Variants in ARF3 observed in about 807,000 individuals in gnomAD.
ARF3 encodes the protein ARF GTPase 3, also known as ADP-ribosylation factor 3.
Under a neutral mutation model 19.3 loss-of-function variants are expected in ARF3, and 5 were observed. That is an observed-to-expected ratio of 0.26 (90% confidence interval 0.14 to 0.54). The LOEUF (loss-of-function observed/expected upper bound fraction) is 0.54. Among genes scored for constraint, ARF3 ranks in the 20% least tolerant of loss-of-function variants. The pLI is 0.95. For synonymous variants in ARF3, 71 were observed against 89.2 expected (o/e 0.80, Z 1.15); for missense variants, 77 against 234.2 (o/e 0.33, Z 4.38).
intron 1 of ARF3, among the ~76,000 whole-genome samples, chr12:48,952,441 T>A (rs1402871385): frequency 6.6e-6 from 1 of 152,234 alleles, no homozygotes; most frequent in African/African-American, 2.4e-5. Flanking sequence ...AATTACAGCT[T>A]GCCTTGTTCT....
In ARF3 at chr12:48,948,590, ATCACAAGG is replaced by A. The variant is rs1940403130; in HGVS notation, c.-93-7410_-93-7403del. 2.0e-5 allele frequency among the ~76,000 whole-genome samples: 3 copies of A among 152,070 alleles called. No homozygotes were observed. The South Asian group carries it at 6.2e-4, about 31-fold the overall frequency. On this transcript the variant is annotated intron_variant, in intron 1 of 4. Coordinates refer to ENST00000256682, the MANE Select transcript of ARF3 (RefSeq NM_001659.3). ...CACTTTGGGAGGCCGAGGTGGGCGG[ATCACAAGG>A]TCAGAAGATCAAGATCAGCCTGGCC...
Position 48,939,948 on chromosome 12 carries a change from CCA to C in ARF3, c.259+47_259+48del. 2 of 1,593,830 alleles carry C rather than the reference CCA, an allele frequency of 1.3e-6. No individual in the cohort carries two copies. The highest frequency in any genetic ancestry group is 1.7e-6 in the Non-Finnish European group (2 of 1,161,802). On this transcript the variant is annotated intron_variant, in intron 3 of 4. Transcript: ENST00000256682. The surrounding 1 kb of genome is among the most constrained non-coding windows in gnomAD (Gnocchi z 4.8). Reference sequence around the variant, plus strand: ...GTTGGCCACCCATTAACAAAGACAGCCACACTCTCTGCTCATACCCAACCAAC... The same window carrying C: ...GTTGGCCACCCATTAACAAAGACAGCCACTCTCTGCTCATACCCAACCAAC...
At chr12:48,942,794 A>G (rs770977316) in intron 1 of ARF3, among the ~76,000 whole-genome samples, 6 of 152,230 alleles carry the variant, frequency 3.9e-5, no homozygotes, top group African/African-American at 4.8e-5. Flanking sequence ...TATGCCTGGC[A>G]TATGGTAGGC....
At chr12:48,945,059 G>A (rs555413824) in intron 1 of ARF3, among the ~76,000 whole-genome samples, 2 of 149,874 alleles carry the variant, frequency 1.3e-5, no homozygotes, top group East Asian at 2.0e-4. Flanking sequence ...AGAACCGCTG[G>A]AATCCAGGAG....
At chr12:48,940,881 C>G in intron 2 of ARF3, 67 bp downstream of exon 2, 1 of 1,475,674 alleles carries the variant, frequency 6.8e-7, no homozygotes, top group Non-Finnish European at 9.0e-7. Context: ...GGTTGGGGAA[C>G]CAGGAATAGG....
intron 1 of ARF3, among the ~76,000 whole-genome samples, chr12:48,950,945 G>A (rs143737276): frequency 1.8e-3 from 266 of 151,994 alleles, no homozygotes; most frequent in African/African-American, 6.3e-3. Context: ...CTGCCACCAC[G>A]CCCGGCTAAT....
At chr12:48,953,398 A>AT in intron 1 of ARF3, 1 of 152,206 alleles carries the variant, frequency 6.6e-6, no homozygotes, top group African/African-American at 2.4e-5. Context: ...ATAAAATTTT[A>AT]TTTAAGGTTT....
At chr12:48,952,011 T>C (rs1007529252) in intron 1 of ARF3, among the ~76,000 whole-genome samples, 10 of 151,854 alleles carry the variant, frequency 6.6e-5, no homozygotes, top group Admixed American at 5.2e-4. Flanking sequence ...TAGACACCAA[T>C]GGGGATAGAA....
At chr12:48,948,566 A>G (rs944044744) in intron 1 of ARF3, among the ~76,000 whole-genome samples, 3 of 152,110 alleles carry the variant, frequency 2.0e-5, no homozygotes, top group African/African-American at 7.2e-5. Flanking sequence ...TAATCCCAGC[A>G]CTTTGGGAGG....
intron 1 of ARF3, chr12:48,956,447 GAACTCCACCTCCCC>G (rs1220642153): frequency 6.6e-6 from 1 of 152,142 alleles, no homozygotes; most frequent in Non-Finnish European, 1.5e-5. Flanking sequence ...TTTTAACAGG[GAACTCCACCTCCCC>G]AACTCCCGCC....
chr12:48,939,212 C>T lies in ARF3; in HGVS notation c.385-104G>A, dbSNP rs1861959540. The T allele has an allele frequency of 1.5e-6, 2 of 1,317,498 alleles. No homozygotes were observed. Among genetic ancestry groups the T allele is most frequent in the African/African-American group, 2.9e-5 (2 of 67,994 alleles). The allele number at this position is 1,317,498 out of a possible 1,614,324, so 81.6% of individuals were successfully genotyped here. On this transcript the variant is annotated intron_variant, in intron 4 of 4. Coordinates refer to ENST00000256682, the MANE Select transcript of ARF3 (RefSeq NM_001659.3). The surrounding 1 kb of genome is among the most constrained non-coding windows in gnomAD (Gnocchi z 4.8). Reference sequence around the variant, plus strand: ...TGTGTACCAGCACCTTCCCCTCCTCCTTTATTTTAGGAAACCCAGAACAAG... The same window carrying T: ...TGTGTACCAGCACCTTCCCCTCCTCTTTTATTTTAGGAAACCCAGAACAAG...
In ARF3 at chr12:48,939,414, A is replaced by T. The variant is rs1940211536; in HGVS notation, c.384+241T>A. Among the ~76,000 whole-genome samples, 1 of 152,170 alleles carries T rather than the reference A, an allele frequency of 6.6e-6. No homozygotes were observed. Among genetic ancestry groups the T allele is most frequent in the Admixed American group, 6.5e-5 (1 of 15,268 alleles). On this transcript the variant is annotated intron_variant, in intron 4 of 4. Transcript: ENST00000256682. This position sits in a 1 kb window ranked among gnomAD's most constrained non-coding sequence, Gnocchi z 4.8. ...AGCAGGAGTGAGGCCAATTCTCCTA[A>T]AGTAGATAACAGGCAAGATGAAAGA...
intron 1 of ARF3, among the ~76,000 whole-genome samples, chr12:48,951,221 T>A (rs1157637388): frequency 2.0e-5 from 3 of 152,220 alleles, no homozygotes; most frequent in Non-Finnish European, 2.9e-5. Flanking sequence ...CACAGTGGGA[T>A]AGAAGAAAAG....
chr12:48,938,441 C>T lies in ARF3; in HGVS notation c.*506G>A, dbSNP rs1044611329. The stretch of plus-strand genomic sequence containing the variant: ...TCCACCCCCTCCCCGCTCCCCCCGG[C>T]CCCCACAAATATATCTCTCTATACA... On this transcript the variant is annotated 3_prime_UTR_variant, in exon 5 of 5. Transcript: ENST00000256682. The T allele has an allele frequency of 4.4e-6, 2 of 453,570 alleles. No homozygotes were observed. Among genetic ancestry groups the T allele is most frequent in the East Asian group, 1.4e-4 (2 of 14,346 alleles). The allele number at this position is 453,570 out of a possible 1,614,324, so 28.1% of individuals were successfully genotyped here.
intron 1 of ARF3, among the ~76,000 whole-genome samples, chr12:48,952,006 A>T (rs890516721): frequency 1.1e-4 from 17 of 152,202 alleles, no homozygotes; most frequent in African/African-American, 3.9e-4. Flanking sequence ...CATCATAGAC[A>T]CCAATGGGGA....
chr12:48,953,742 A>G (rs1940509753), intron 1 of ARF3, among the ~76,000 whole-genome samples: 1 of 152,224 alleles, frequency 6.6e-6, no homozygotes, highest in African/African-American at 2.4e-5. Flanking sequence ...TGAAATCCCT[A>G]CTTTAGTCAG....
rs1041537107 is a variant in ARF3, at chr12:48,941,126, G to C, written c.-31C>G. The C allele has an allele frequency of 1.5e-5, 24 of 1,597,696 alleles. No homozygotes were observed. The highest frequency in any genetic ancestry group is 2.0e-5 in the Non-Finnish European group (23 of 1,170,446). ...CAGCAGCTGCTTTCTGGGGACAGTGGGGCCCAAGTAGGGGCAGTGGCAGTC... is the reference window on the plus strand; with the variant it reads ...CAGCAGCTGCTTTCTGGGGACAGTGCGGCCCAAGTAGGGGCAGTGGCAGTC... On this transcript the variant is annotated 5_prime_UTR_variant, in exon 2 of 5. Transcript: ENST00000256682.
At chr12:48,944,658 T>C (rs1940323875) in intron 1 of ARF3, among the ~76,000 whole-genome samples, 1 of 152,234 alleles carries the variant, frequency 6.6e-6, no homozygotes, top group Non-Finnish European at 1.5e-5. Context: ...ATATTATTTC[T>C]TCTGTCCAGT....
At chr12:48,952,124 C>G (rs992959966) in intron 1 of ARF3, among the ~76,000 whole-genome samples, 2 of 152,116 alleles carry the variant, frequency 1.3e-5, no homozygotes, top group Non-Finnish European at 2.9e-5. Flanking sequence ...GGTGTTTAGG[C>G]TCAGGCCAGA....
Sources: gnomAD v4.1 joint callset for allele counts (sites outside exome capture counted in the v4.1 genomes callset) on GRCh38, gnomAD v4.1.1 for gene constraint, Gnocchi (gnomAD v3.1) non-coding constraint, MANE v1.5 for transcripts, NCBI Gene and HGNC (gene_info 2026-07-23, HGNC 2026-07-21) for gene names.